The following MAGEC3 variants were observed in gnomAD, a reference collection of about 807,000 sequenced individuals.
MAGEC3 encodes the protein MAGE family member C3, also known as melanoma-associated antigen C3.
In MAGEC3, 34 loss-of-function variants were observed where a neutral mutation model predicts 35.3. The ratio of observed to expected loss-of-function variants is 0.96; its 90% CI spans 0.73 to 1.28. MAGEC3 has a LOEUF of 1.28. MAGEC3 is among the 50% of genes most tolerant of loss of function. The pLI is 0.00. For synonymous variants in MAGEC3, 202 were observed against 185.6 expected, an observed-to-expected ratio of 1.09 and a Z score of -0.72; for missense variants, 561 against 483.6, an observed-to-expected ratio of 1.16 and a Z score of -1.50.
chrX:141,844,917 A>G (rs961412300), intron 1 of MAGEC3, among the ~76,000 whole-genome samples: 2 of 109,298 alleles, frequency 1.8e-5, no homozygotes, highest in Non-Finnish European at 3.8e-5. Context: ...TTATTTCTCA[A>G]AAGTAATTGG....
chrX:141,858,388 T>C (rs1260184580), intron 1 of MAGEC3, among the ~76,000 whole-genome samples: 2 of 111,030 alleles, frequency 1.8e-5, no homozygotes, highest in East Asian at 5.7e-4. Context: ...TTTAAGGTCA[T>C]GGGGAAGCGC....
intron 4 of MAGEC3, among the ~76,000 whole-genome samples, chrX:141,892,523 A>G (rs1034477732): frequency 1.8e-5 from 2 of 111,700 alleles, no homozygotes; most frequent in Admixed American, 1.9e-4. Flanking sequence ...CTTTTTTCCT[A>G]AAATATTTCA....
intron 4 of MAGEC3, among the ~76,000 whole-genome samples, chrX:141,885,058 G>A (rs1170308096): frequency 8.9e-6 from 1 of 111,818 alleles, no homozygotes; most frequent in Non-Finnish European, 1.9e-5. Flanking sequence ...TGCCAGGCAA[G>A]ATAGTGTTGC....
chrX:141,895,597 G>A (rs1262104354), intron 6 of MAGEC3, 38 bp downstream of exon 6: 1 of 1,136,217 alleles, frequency 8.8e-7, no homozygotes, highest in Non-Finnish European at 1.2e-6. Context: ...AAGACATTGA[G>A]GAGGACTGGG....
chrX:141,878,429 A>G (rs1275944350), intron 2 of MAGEC3, among the ~76,000 whole-genome samples: 3 of 112,503 alleles, frequency 2.7e-5, no homozygotes, highest in Admixed American at 9.4e-5. Context: ...CAGTAGTCAC[A>G]TGAAGCCTCT....
intron 4 of MAGEC3, among the ~76,000 whole-genome samples, chrX:141,884,493 A>G (rs1176913261): frequency 1.8e-5 from 2 of 110,991 alleles, no homozygotes; most frequent in African/African-American, 6.6e-5. Context: ...CCTCTATCCT[A>G]TTAGTTCTGT....
chrX:141,870,730 G>C (rs1479746436), intron 2 of MAGEC3, among the ~76,000 whole-genome samples: 1 of 111,762 alleles, frequency 8.9e-6, no homozygotes, highest in Non-Finnish European at 1.9e-5. Flanking sequence ...TAACTTTCAT[G>C]TATAACCTGT....
chrX:141,844,697 TA>T (rs1334476678), intron 1 of MAGEC3, among the ~76,000 whole-genome samples: 2 of 111,325 alleles, frequency 1.8e-5, no homozygotes, highest in African/African-American at 6.5e-5. Context: ...CTGTTTTTAT[TA>T]GGCAGTATTC....
intron 1 of MAGEC3, among the ~76,000 whole-genome samples, chrX:141,845,622 A>G (rs2017711570): frequency 9.0e-6 from 1 of 111,143 alleles, no homozygotes; most frequent in African/African-American, 3.3e-5. Flanking sequence ...ATTTGCCAGT[A>G]GACACCTGAC....
intron 2 of MAGEC3, among the ~76,000 whole-genome samples, chrX:141,868,295 T>G (rs1221310707): frequency 8.9e-6 from 1 of 111,796 alleles, no homozygotes; most frequent in African/African-American, 3.3e-5. Flanking sequence ...AGGGGTTGCT[T>G]TCTTAGCTTT....
intron 2 of MAGEC3, among the ~76,000 whole-genome samples, chrX:141,869,374 G>C (rs1280762875): frequency 8.9e-6 from 1 of 112,087 alleles, no homozygotes; most frequent in African/African-American, 3.2e-5. Context: ...TAGGCAGAAA[G>C]AAACAAACAA....
chrX:141,859,028 C>G (rs983973331), intron 1 of MAGEC3, among the ~76,000 whole-genome samples: 5 of 108,711 alleles, frequency 4.6e-5, no homozygotes, highest in Non-Finnish European at 5.7e-5. Context: ...TGGTATATTA[C>G]AAGTCATATG....
At chrX:141,893,201 G>A (rs961125541) in intron 4 of MAGEC3, among the ~76,000 whole-genome samples, 1 of 111,833 alleles carries the variant, frequency 8.9e-6, no homozygotes, top group Non-Finnish European at 1.9e-5. Flanking sequence ...ATCAAATGTT[G>A]ACCTGTATGT....
chrX:141,852,357 G>T (rs750164976), intron 1 of MAGEC3, among the ~76,000 whole-genome samples: 8 of 109,690 alleles, frequency 7.3e-5, no homozygotes, highest in Non-Finnish European at 1.1e-4. Context: ...GATCCTTTAG[G>T]ATTTTCTATA....
intron 1 of MAGEC3, among the ~76,000 whole-genome samples, chrX:141,860,604 A>G (rs1283097756): frequency 8.9e-6 from 1 of 112,285 alleles, no homozygotes; most frequent in Non-Finnish European, 1.9e-5. Context: ...AACCCGTAGA[A>G]TATTGTTCCT....
chrX:141,870,228 G>A (rs1209305974), intron 2 of MAGEC3, among the ~76,000 whole-genome samples: 1 of 111,593 alleles, frequency 9.0e-6, no homozygotes, highest in African/African-American at 3.3e-5. Flanking sequence ...CTGTTTAAGA[G>A]AGAAAGTTAA....
chrX:141,879,129 C>T (rs753071021), intron 2 of MAGEC3, 46 bp from the exon 3 acceptor site: 1 of 1,137,413 alleles, frequency 8.8e-7, no homozygotes, highest in South Asian at 2.2e-5. Context: ...GAAGGGAACA[C>T]CCATGACTGG....
chrX:141,888,208 G>A (rs911676633), intron 4 of MAGEC3, among the ~76,000 whole-genome samples: 3 of 111,971 alleles, frequency 2.7e-5, no homozygotes, highest in African/African-American at 9.8e-5. Flanking sequence ...TCAGTTGATG[G>A]AGGAAGAGAA....
rs769075089 is a variant in MAGEC3, at chrX:141,895,508, G to C, written c.1072G>C (p.Asp358His). Residue 358 changes from aspartate to histidine, a missense_variant, in exon 6 of 8, where the codon GAT (aspartate) becomes CAT (histidine). Coordinates refer to ENST00000298296, the MANE Select transcript of MAGEC3 (RefSeq NM_138702.1). ...AGGACTTGCAGGCCACAGACAGGAAGATGGCCGCCGAGGGCTGACCGAGGC... is the reference window on the plus strand; with the variant it reads ...AGGACTTGCAGGCCACAGACAGGAACATGGCCGCCGAGGGCTGACCGAGGC... The part of the protein sequence containing the change: ...PQGLAGHRQE[D>H]GRRGLTEASP... 2.5e-6 allele frequency: 3 copies of C among 1,210,513 alleles called. No individual in the cohort carries two copies. Among genetic ancestry groups the C allele is most frequent in the East Asian group, 5.9e-5 (2 of 33,759 alleles).
Sources: allele counts gnomAD v4.1 joint callset (sites outside exome capture counted in the v4.1 genomes callset), GRCh38; gene constraint gnomAD v4.1.1; transcripts MANE v1.5; gene names NCBI Gene and HGNC (gene_info 2026-07-23, HGNC 2026-07-21).